Variants in NAV3 observed in about 807,000 individuals in gnomAD.
NAV3 encodes the protein neuron navigator 3, also known as pore membrane and/or filament interacting like protein 1.
Under a neutral mutation model 244.7 loss-of-function variants are expected in NAV3, and 87 were observed. The ratio of observed to expected loss-of-function variants is 0.36; its 90% CI spans 0.30 to 0.42. The LOEUF (loss-of-function observed/expected upper bound fraction) is 0.42, where lower values mean the gene tolerates loss of function less well. NAV3 is among the 20% of genes least tolerant of loss of function. The pLI is 1.00. For synonymous variants in NAV3, 1,126 were observed against 1,042.2 expected, an observed-to-expected ratio of 1.08 and a Z score of -1.55; for missense variants, 2,663 against 2,893.3, an observed-to-expected ratio of 0.92 and a Z score of 1.83.
chr12:77,597,316 C>CTAATCTA (rs1870215123), intron 2 of NAV3, among the ~76,000 whole-genome samples: 1 of 152,014 alleles, frequency 6.6e-6, no homozygotes, highest in Non-Finnish European at 1.5e-5. Flanking sequence ...CAGTATTACT[C>CTAATCTA]ATATGATGTG....
At chr12:77,726,316 A>G (rs1322989074) in intron 2 of NAV3, among the ~76,000 whole-genome samples, 1 of 151,962 alleles carries the variant, frequency 6.6e-6, no homozygotes, top group Non-Finnish European at 1.5e-5. Flanking sequence ...GAAAGAATTT[A>G]CCATCATTTT....
intron 1 of NAV3, among the ~76,000 whole-genome samples, chr12:77,884,976 T>A (rs1565888828): frequency 6.6e-6 from 1 of 152,164 alleles, no homozygotes. Flanking sequence ...TTTTTGTTAA[T>A]AATGATGTCA....
At chr12:77,997,091 G>A (rs1872472357) in intron 6 of NAV3, among the ~76,000 whole-genome samples, 1 of 151,724 alleles carries the variant, frequency 6.6e-6, no homozygotes, top group African/African-American at 2.4e-5. Flanking sequence ...ATACAAAGAT[G>A]AGCCGGGCAT....
At chr12:77,792,278 T>A (rs979632031) in intron 2 of NAV3, among the ~76,000 whole-genome samples, 1 of 152,250 alleles carries the variant, frequency 6.6e-6, no homozygotes, top group African/African-American at 2.4e-5. Context: ...AAACAACCTT[T>A]GCTTTATAAG....
At chr12:77,946,519 GA>G (rs1015320458) in intron 3 of NAV3, among the ~76,000 whole-genome samples, 1 of 151,968 alleles carries the variant, frequency 6.6e-6, no homozygotes, top group Admixed American at 6.6e-5. Flanking sequence ...ACTGGTCCTG[GA>G]AAACAGAACT....
At chr12:77,644,336 AAAC>A (rs1316688263) in intron 2 of NAV3, among the ~76,000 whole-genome samples, 14 of 152,220 alleles carry the variant, frequency 9.2e-5, no homozygotes, top group Admixed American at 7.9e-4. Context: ...GAAGTAAATG[AAAC>A]AACAAGTCTT....
At chr12:78,118,745 T>C (rs1408745649) in intron 14 of NAV3, among the ~76,000 whole-genome samples, 1 of 152,226 alleles carries the variant, frequency 6.6e-6, no homozygotes, top group Non-Finnish European at 1.5e-5. Flanking sequence ...AAATATTGTC[T>C]GTGTATTAGA....
intron 2 of NAV3, among the ~76,000 whole-genome samples, chr12:77,586,080 T>A (rs1010432735): frequency 6.6e-6 from 1 of 151,934 alleles, no homozygotes; most frequent in South Asian, 2.1e-4. Context: ...GAGAATGGCG[T>A]GAACCCGGGA....
chr12:77,691,128 C>T (rs555991883), intron 2 of NAV3, among the ~76,000 whole-genome samples: 21 of 149,934 alleles, frequency 1.4e-4, no homozygotes, highest in African/African-American at 2.4e-4. Context: ...GAGGTAACTA[C>T]GAAAATTATA....
At chr12:78,124,312 A>G (rs148445771) in intron 16 of NAV3, among the ~76,000 whole-genome samples, 2 of 152,352 alleles carry the variant, frequency 1.3e-5, no homozygotes, top group South Asian at 2.1e-4. Flanking sequence ...ACTCTAATCT[A>G]TATTTTAACT....
At chr12:77,887,049 A>G (rs1883375078) in intron 1 of NAV3, among the ~76,000 whole-genome samples, 1 of 152,180 alleles carries the variant, frequency 6.6e-6, no homozygotes, top group African/African-American at 2.4e-5. Context: ...TGATACAAAT[A>G]TTGACCTTGC....
intron 12 of NAV3, among the ~76,000 whole-genome samples, chr12:78,094,910 G>A (rs939112909): frequency 6.6e-6 from 1 of 151,678 alleles, no homozygotes; most frequent in African/African-American, 2.4e-5. Flanking sequence ...AGCTAGGTGT[G>A]GTGGCACGTG....
At chr12:78,031,040 A>G (rs1878892568) in intron 9 of NAV3, among the ~76,000 whole-genome samples, 2 of 152,184 alleles carry the variant, frequency 1.3e-5, no homozygotes, top group South Asian at 4.1e-4. Context: ...TAGGGGCCTC[A>G]GTGAGGAATA....
intron 3 of NAV3, among the ~76,000 whole-genome samples, chr12:77,961,496 A>T (rs941908173): frequency 3.2e-5 from 4 of 126,558 alleles, no homozygotes; most frequent in African/African-American, 1.2e-4. Flanking sequence ...TGAGACATAT[A>T]TGTAATATAT....
intron 18 of NAV3, among the ~76,000 whole-genome samples, chr12:78,132,761 G>A (rs1956217658): frequency 6.6e-6 from 1 of 151,864 alleles, no homozygotes; most frequent in Admixed American, 6.6e-5. Context: ...TTCACTTTCT[G>A]TCTGAGACCT....
intron 3 of NAV3, among the ~76,000 whole-genome samples, chr12:77,956,351 T>C (rs188838803): frequency 6.6e-6 from 1 of 152,302 alleles, no homozygotes; most frequent in Admixed American, 6.5e-5. Flanking sequence ...TCCCGAAATA[T>C]CCAAAGTTAG....
At chr12:78,202,793 A>G (rs780461622) in intron 38 of NAV3, among the ~76,000 whole-genome samples, 4 of 152,190 alleles carry the variant, frequency 2.6e-5, no homozygotes, top group South Asian at 4.1e-4. Flanking sequence ...TTGCTATTGA[A>G]GACTATGCTG....
At chr12:78,110,845 G>T (rs1015172414) in intron 12 of NAV3, among the ~76,000 whole-genome samples, 1 of 151,966 alleles carries the variant, frequency 6.6e-6, no homozygotes, top group Admixed American at 6.6e-5. Context: ...CCATTAAAAA[G>T]AATGAAATCC....
rs1161067575 is a variant in NAV3 at position 78,137,514 on chromosome 12, A to G, written c.4630+149A>G. The G allele has an allele frequency of 5.2e-6, 4 of 763,612 alleles. No homozygotes were observed. In the African/African-American group the frequency reaches 5.4e-5, roughly 10 times the overall value. 47.3% of individuals were successfully genotyped at this position (763,612 alleles called of 1,614,324 possible). On this transcript the variant is annotated intron_variant, in intron 19 of 39. Coordinates refer to ENST00000397909, the MANE Select transcript of NAV3 (RefSeq NM_001024383.2). Reference sequence around the variant, plus strand: ...GAAACTAGAAGCTTGAAGAAGTTTTATTCTGTATTATCTTCTATTTCTTTA... The same window carrying G: ...GAAACTAGAAGCTTGAAGAAGTTTTGTTCTGTATTATCTTCTATTTCTTTA...
Sources: gnomAD v4.1 joint callset for allele counts (sites outside exome capture counted in the v4.1 genomes callset) on GRCh38, gnomAD v4.1.1 for gene constraint, MANE v1.5 for transcripts, NCBI Gene and HGNC (gene_info 2026-07-23, HGNC 2026-07-21) for gene names.